Variants in DMTN observed in about 807,000 individuals in gnomAD.
The protein encoded by DMTN is dematin actin binding protein, also known as dematin.
A neutral mutation model predicts 59.4 loss-of-function variants in DMTN; 27 were observed. The ratio of observed to expected loss-of-function variants is 0.45; its 90% CI spans 0.33 to 0.63. The LOEUF (loss-of-function observed/expected upper bound fraction) is 0.63. DMTN is among the 20% of genes least tolerant of loss of function. The pLI is 0.02. For synonymous variants in DMTN, 221 were observed against 203.7 expected, an observed-to-expected ratio of 1.08 and a Z score of -0.72; for missense variants, 451 against 528.9, an observed-to-expected ratio of 0.85 and a Z score of 1.45.
intron 6 of DMTN, 75 bp downstream of exon 6, chr8:22,069,593 TC>T: frequency 7.9e-7 from 1 of 1,267,398 alleles, no homozygotes; most frequent in Non-Finnish European, 1.1e-6. Context: ...TTACGCTCAG[TC>T]CCCCACTCTC....
At chr8:22,078,686 G>T (rs778698165) in intron 10 of DMTN, among the ~76,000 whole-genome samples, 4 of 151,548 alleles carry the variant, frequency 2.6e-5, no homozygotes, top group Non-Finnish European at 4.4e-5. Context: ...CCTATTAAAT[G>T]TGCAAGTTGA....
intron 9 of DMTN, 56 bp downstream of exon 9, chr8:22,072,506 C>A: frequency 1.3e-6 from 2 of 1,486,594 alleles, no homozygotes; most frequent in Non-Finnish European, 1.8e-6. Flanking sequence ...GCTCTGTTGC[C>A]CAGGCTGGCA....
At chr8:22,066,674 C>G (rs1478355563) in intron 1 of DMTN, 31 bp from the exon 2 acceptor site, 2 of 459,102 alleles carry the variant, frequency 4.4e-6, no homozygotes, top group African/African-American at 2.1e-5. Context: ...TAACGCCGCC[C>G]CGGCGCGGCC....
intron 9 of DMTN, among the ~76,000 whole-genome samples, chr8:22,072,943 C>T (rs1816865103): frequency 6.6e-6 from 1 of 152,126 alleles, no homozygotes. Context: ...TTCTGGGGGA[C>T]ACTACTTGAT....
At chr8:22,050,606 C>T (rs559467431), upstream of DMTN, among the ~76,000 whole-genome samples, 16 of 146,846 alleles carry the variant, frequency 1.1e-4, no homozygotes, top group South Asian at 2.3e-4. Flanking sequence ...TCACTGTTTT[C>T]TTTCTTGCTT....
At chr8:22,064,870 C>G (rs965966664) in intron 1 of DMTN, among the ~76,000 whole-genome samples, 1 of 152,186 alleles carries the variant, frequency 6.6e-6, no homozygotes, top group African/African-American at 2.4e-5. Context: ...TAGGTAGGCA[C>G]TGTGAATCGT....
chr8:22,076,461 T>A (rs1422933003), intron 10 of DMTN, among the ~76,000 whole-genome samples: 1 of 151,792 alleles, frequency 6.6e-6, no homozygotes, highest in African/African-American at 2.4e-5. Context: ...AAAAATTAGT[T>A]GGGAGTGGTG....
rs1048872094 is a variant in DMTN at position 22,082,037 on chromosome 8, C to G, written c.*574C>G. Reference sequence around the variant, plus strand: ...CGCTCGCAAACCCCGAGCTTCCAAGCCTTTTGCTCCAGCCCTGCGGCTTCC... The same window carrying G: ...CGCTCGCAAACCCCGAGCTTCCAAGGCTTTTGCTCCAGCCCTGCGGCTTCC... On this transcript the variant is annotated 3_prime_UTR_variant, in exon 16 of 16. Coordinates refer to ENST00000358242, the MANE Select transcript of DMTN (RefSeq NM_001387751.1). 4 of 456,936 alleles carry G rather than the reference C, an allele frequency of 8.8e-6. No individual in the cohort carries two copies. The Admixed American group carries it at 9.4e-5, about 11-fold the overall frequency. 28.3% of individuals were successfully genotyped at this position (456,936 alleles called of 1,614,324 possible).
chr8:22,081,881 A>ACCCC lies in DMTN; in HGVS notation c.*418_*419insCCCC. 1 of 334,570 alleles carries ACCCC rather than the reference A, an allele frequency of 3.0e-6. No homozygotes were observed. Among genetic ancestry groups the ACCCC allele is most frequent in the Non-Finnish European group, 5.8e-6 (1 of 171,108 alleles). The allele number at this position is 334,570 out of a possible 1,614,324, so 20.7% of individuals were successfully genotyped here. On this transcript the variant is annotated 3_prime_UTR_variant, in exon 16 of 16. Transcript: ENST00000358242. ...CTCCAGGCTCTTGTGTCGCCCACCC[A>ACCCC]GCCCTCCCATACTCACTCCTGACAG...
rs1049967790 is a variant in DMTN at position 22,069,810 on chromosome 8, T to C, written c.395-71T>C. ...TTCCCCACCTTGTCCCGTTCCATCA[T>C]CTCCATTCTCCTGGCCCCAGCCTCC... On this transcript the variant is annotated intron_variant, in intron 6 of 15. Transcript: ENST00000358242. 49 of 1,550,398 alleles carry C rather than the reference T, an allele frequency of 3.2e-5. No individual in the cohort carries two copies. In the Admixed American group the frequency reaches 6.9e-4, roughly 22 times the overall value.
upstream of DMTN, among the ~76,000 whole-genome samples, chr8:22,053,332 GA>G (rs1341964214): frequency 6.6e-6 from 1 of 152,234 alleles, no homozygotes; most frequent in African/African-American, 2.4e-5. Flanking sequence ...CTGGGCAGCA[GA>G]GTCCAATGCC....
chr8:22,066,507 TTTGAAG>T, intron 1 of DMTN, 192 bp from the exon 2 acceptor site: 1 of 169,636 alleles, frequency 5.9e-6, no homozygotes, highest in Non-Finnish European at 1.3e-5. Flanking sequence ...CGTCATTTCC[TTTGAAG>T]CCAGAGAACA....
At chr8:22,080,923 G>A in intron 14 of DMTN, 53 bp downstream of exon 14, 1 of 1,525,052 alleles carries the variant, frequency 6.6e-7, no homozygotes, top group Non-Finnish European at 8.8e-7. Context: ...CTGGGGAGAT[G>A]CCAGGCAAGT....
At position 22,073,735 on chromosome 8, in the gene DMTN, T is replaced by C; in HGVS notation, c.735T>C (p.Thr245=). The change falls in exon 10 of 16, where the codon ACT becomes ACC. Residue 245 remains threonine (T), a synonymous_variant. Transcript: ENST00000358242. ...CTTCCTTTCTCCCTCCTCAGGTTAC[T>C]TCCAACTTGGGAAAGATGATCTTGA... ...ERQREELSKV[T]SNLGKMILKE... The C allele has an allele frequency of 6.2e-7, 1 of 1,613,020 alleles. No individual in the cohort carries two copies. Among genetic ancestry groups the C allele is most frequent in the Non-Finnish European group, 8.5e-7 (1 of 1,179,374 alleles).
intron 1 of DMTN, among the ~76,000 whole-genome samples, chr8:22,062,403 G>A (rs1807246476): frequency 1.3e-5 from 2 of 152,028 alleles, no homozygotes; most frequent in African/African-American, 4.8e-5. Context: ...GCTCATCTTT[G>A]TTTCCGGGGA....
At chr8:22,053,514 G>A (rs1438573399), upstream of DMTN, 1 of 152,510 alleles carries the variant, frequency 6.6e-6, no homozygotes, top group East Asian at 1.9e-4. Context: ...CGCCCAGCAG[G>A]TTGGTGTGTA....
chr8:22,060,891 A>G lies in DMTN; in HGVS notation c.-172+3755A>G, dbSNP rs1805848551. On this transcript the variant is annotated intron_variant, in intron 1 of 15. Coordinates refer to ENST00000358242, the MANE Select transcript of DMTN (RefSeq NM_001387751.1). The surrounding 1 kb of genome is among the most constrained non-coding windows in gnomAD (Gnocchi z 5.0). Reference sequence around the variant, plus strand: ...ATACTGTGTCCTTGACCAACTACTTAACTTGTTCAAGTCTCAACTTCTTCA... The same window carrying G: ...ATACTGTGTCCTTGACCAACTACTTGACTTGTTCAAGTCTCAACTTCTTCA... Among the ~76,000 whole-genome samples the G allele has an allele frequency of 6.6e-6, 1 of 152,202 alleles. No individual in the cohort carries two copies. Among genetic ancestry groups the G allele is most frequent in the Non-Finnish European group, 1.5e-5 (1 of 68,034 alleles).
chr8:22,049,948 T>C (rs561642136), upstream of DMTN, among the ~76,000 whole-genome samples: 1 of 152,216 alleles, frequency 6.6e-6, no homozygotes, highest in Non-Finnish European at 1.5e-5. Flanking sequence ...TCTCAGTTGA[T>C]GGCGAGCGCC....
Position 22,073,215 on chromosome 8 carries a change from G to GC in DMTN, c.730-513dup, listed in dbSNP as rs536725479. 2.0e-4 allele frequency among the ~76,000 whole-genome samples: 31 copies of GC among 152,324 alleles called. No individual in the cohort carries two copies. The South Asian group carries it at 6.2e-3, about 31-fold the overall frequency. The stretch of plus-strand genomic sequence containing the variant: ...TTCAAGGGTGGCCAAACCCATTGTG[G>GC]CCATGTGTCAGCCACGAACAAGAGG... On this transcript the variant is annotated intron_variant, in intron 9 of 15. Transcript: ENST00000358242.
Sources: allele counts gnomAD v4.1 joint callset (sites outside exome capture counted in the v4.1 genomes callset), GRCh38; gene constraint gnomAD v4.1.1; non-coding constraint Gnocchi (gnomAD v3.1); transcripts MANE v1.5; gene names NCBI Gene and HGNC (gene_info 2026-07-23, HGNC 2026-07-21).